The following ANKRD55 variants were observed in gnomAD, a reference collection of about 807,000 sequenced individuals.
ANKRD55 encodes the protein ankyrin repeat domain-containing protein 55.
Under a neutral mutation model 60.6 loss-of-function variants are expected in ANKRD55, and 41 were observed. The observed-to-expected ratio is 0.68, with a 90% CI of 0.53 to 0.88. The LOEUF is 0.88. Among genes scored for constraint, ANKRD55 ranks in the 40% least tolerant of loss-of-function variants. The pLI, the probability that ANKRD55 is intolerant of heterozygous loss-of-function variation, is 0.00. For synonymous variants in ANKRD55, 264 were observed against 290.3 expected, an observed-to-expected ratio of 0.91 and a Z score of 0.92; for missense variants, 732 against 767.6, an observed-to-expected ratio of 0.95 and a Z score of 0.55.
chr5:56,159,412 G>A (rs1758269557), intron 6 of ANKRD55, among the ~76,000 whole-genome samples: 1 of 151,740 alleles, frequency 6.6e-6, no homozygotes, highest in African/African-American at 2.4e-5. Flanking sequence ...GGTGAGCCAA[G>A]ACGGTGCCAC....
At chr5:56,146,606 G>A (rs1757905506) in intron 6 of ANKRD55, 1 of 151,940 alleles carries the variant, frequency 6.6e-6, no homozygotes, top group South Asian at 2.1e-4. Context: ...ATTTGGCTTT[G>A]CTTTTTAAAA....
chr5:56,198,988 G>A (rs2111854373), intron 2 of ANKRD55, among the ~76,000 whole-genome samples: 1 of 152,226 alleles, frequency 6.6e-6, no homozygotes. Context: ...GCTGAGGCAG[G>A]AGAATGGTGT....
chr5:56,196,276 G>C (rs2111850565), intron 2 of ANKRD55, among the ~76,000 whole-genome samples: 1 of 152,310 alleles, frequency 6.6e-6, no homozygotes, highest in South Asian at 2.1e-4. Flanking sequence ...GAATAAGGGA[G>C]CAATAAATAG....
At chr5:56,110,977 G>T in intron 10 of ANKRD55, 141 bp downstream of exon 10, 1 of 948,128 alleles carries the variant, frequency 1.1e-6, no homozygotes, top group Admixed American at 2.6e-5. Context: ...GTGCACTTTG[G>T]GAGAAAAGGT....
chr5:56,206,555 G>A (rs542766745), intron 2 of ANKRD55, among the ~76,000 whole-genome samples: 25 of 152,288 alleles, frequency 1.6e-4, no homozygotes, highest in Non-Finnish European at 2.9e-4. Flanking sequence ...ATGGAGGAGT[G>A]GGGAGAAGTG....
chr5:56,105,588 G>A (rs1046071040), intron 10 of ANKRD55, among the ~76,000 whole-genome samples: 22 of 152,220 alleles, frequency 1.4e-4, no homozygotes, highest in African/African-American at 5.1e-4. Flanking sequence ...AAATTGTCAA[G>A]AAACTGAGAC....
At chr5:56,221,967 C>T (rs1245895846) in intron 2 of ANKRD55, among the ~76,000 whole-genome samples, 1 of 152,198 alleles carries the variant, frequency 6.6e-6, no homozygotes, top group Non-Finnish European at 1.5e-5. Context: ...CAGACTTAAA[C>T]GTCCTTGTCT....
chr5:56,173,856 A>C (rs1462861677), intron 4 of ANKRD55, among the ~76,000 whole-genome samples: 8 of 152,066 alleles, frequency 5.3e-5, no homozygotes, highest in Non-Finnish European at 1.2e-4. Context: ...TCAACTCTAC[A>C]TATTTTATTT....
intron 5 of ANKRD55, chr5:56,161,878 TA>T (rs2111796883): frequency 1.5e-6 from 1 of 671,132 alleles, no homozygotes; most frequent in Non-Finnish European, 1.8e-6. Context: ...GGAAGACATA[TA>T]AAAATAATTG....
At chr5:56,127,395 A>G (rs940720133) in intron 7 of ANKRD55, 2 of 552,636 alleles carry the variant, frequency 3.6e-6, no homozygotes, top group Admixed American at 8.5e-5. Flanking sequence ...TACAGGTGCA[A>G]TGGACTGACG....
At chr5:56,213,528 AC>A (rs1678935168) in intron 2 of ANKRD55, among the ~76,000 whole-genome samples, 1 of 152,114 alleles carries the variant, frequency 6.6e-6, no homozygotes, top group African/African-American at 2.4e-5. Context: ...GAAAAAAAAA[AC>A]AATATTGAGG....
At chr5:56,213,483 CAAACAA>C (rs1759727158) in intron 2 of ANKRD55, among the ~76,000 whole-genome samples, 1 of 148,046 alleles carries the variant, frequency 6.8e-6, no homozygotes, top group African/African-American at 2.5e-5. Flanking sequence ...AAGAAAACAA[CAAACAA>C]AAAGTAGGTA....
intron 6 of ANKRD55, among the ~76,000 whole-genome samples, chr5:56,147,658 C>A (rs1168763645): frequency 6.6e-6 from 1 of 152,082 alleles, no homozygotes; most frequent in African/African-American, 2.4e-5. Flanking sequence ...TTTCTAAATA[C>A]TTGTGCAATA....
At chr5:56,140,151 GAATAAAT>G (rs1450182707) in intron 7 of ANKRD55, among the ~76,000 whole-genome samples, 1 of 152,144 alleles carries the variant, frequency 6.6e-6, no homozygotes, top group African/African-American at 2.4e-5. Context: ...TCAGAAAAAG[GAATAAAT>G]GACAACGGGA....
chr5:56,131,232 TAAAGAA>T (rs889862296), intron 7 of ANKRD55, among the ~76,000 whole-genome samples: 17 of 150,784 alleles, frequency 1.1e-4, no homozygotes, highest in Admixed American at 4.6e-4. Flanking sequence ...AAACCAAAGA[TAAAGAA>T]AAAGTCCAGA....
intron 10 of ANKRD55, among the ~76,000 whole-genome samples, chr5:56,106,760 T>C (rs1408833514): frequency 6.6e-6 from 1 of 151,966 alleles, no homozygotes; most frequent in Non-Finnish European, 1.5e-5. Flanking sequence ...AATGCCAGCA[T>C]TTTGGGAGGC....
intron 5 of ANKRD55, chr5:56,161,931 C>A: frequency 2.1e-6 from 2 of 970,464 alleles, no homozygotes; most frequent in Non-Finnish European, 2.5e-6. Flanking sequence ...ATTATTTCAC[C>A]ACTGGATATA....
chr5:56,157,738 C>G lies in ANKRD55; in HGVS notation c.483+2095G>C, dbSNP rs558358511. 7.2e-5 allele frequency among the ~76,000 whole-genome samples: 11 copies of G among 152,294 alleles called. No homozygotes were observed. In the East Asian group the frequency reaches 2.1e-3, roughly 29 times the overall value. On this transcript the variant is annotated intron_variant, in intron 6 of 11. Coordinates refer to ENST00000341048, the MANE Select transcript of ANKRD55 (RefSeq NM_024669.3). The stretch of plus-strand genomic sequence containing the variant: ...TGCTGACCCTCTCCCCACTATTACC[C>G]TATTGTCCTGCCACATCCCCCTCTC...
Position 56,178,156 on chromosome 5 carries a change from T to C in ANKRD55, c.182-1874A>G, listed in dbSNP as rs1042649961. 6.6e-5 allele frequency among the ~76,000 whole-genome samples: 10 copies of C among 152,046 alleles called. No homozygotes were observed. The East Asian group carries it at 1.9e-3, about 29-fold the overall frequency. ...AAGATATTAAACAGCAATTCTGAAA[T>C]GCATAACCAAATGATTACTGAACAA... On this transcript the variant is annotated intron_variant, in intron 3 of 11. Coordinates refer to ENST00000341048, the MANE Select transcript of ANKRD55 (RefSeq NM_024669.3).
Sources: allele counts gnomAD v4.1 joint callset (sites outside exome capture counted in the v4.1 genomes callset), GRCh38; gene constraint gnomAD v4.1.1; transcripts MANE v1.5; gene names NCBI Gene and HGNC (gene_info 2026-07-23, HGNC 2026-07-21).